ZDHHC5: variants seen among roughly 807,000 people sequenced by gnomAD.
ZDHHC5 encodes zDHHC palmitoyltransferase 5.
ZDHHC5 carries 22 observed loss-of-function variants against 70.0 expected under a neutral mutation model. The ratio of observed to expected loss-of-function variants is 0.31; its 90% CI spans 0.22 to 0.45. The LOEUF (loss-of-function observed/expected upper bound fraction) is 0.45. ZDHHC5 is among the 20% of genes least tolerant of loss of function. The pLI is 1.00. For synonymous variants in ZDHHC5, 313 were observed against 347.8 expected (o/e 0.90, Z 1.11); for missense variants, 746 against 926.9 (o/e 0.80, Z 2.53).
At chr11:57,698,422 T>G in intron 10 of ZDHHC5, 137 bp from the exon 11 acceptor site, 1 of 1,225,360 alleles carries the variant, frequency 8.2e-7, no homozygotes, top group Non-Finnish European at 1.1e-6. Flanking sequence ...TCTTGAGGGA[T>G]TAACCCAGAT....
intron 3 of ZDHHC5, among the ~76,000 whole-genome samples, chr11:57,686,100 A>T (rs1164383141): frequency 6.6e-6 from 1 of 152,136 alleles, no homozygotes; most frequent in Non-Finnish European, 1.5e-5. Context: ...ATGTAGAAGG[A>T]TCAGACATTT....
At chr11:57,685,661 A>G (rs1026184961) in intron 3 of ZDHHC5, among the ~76,000 whole-genome samples, 3 of 152,080 alleles carry the variant, frequency 2.0e-5, no homozygotes, top group Admixed American at 6.6e-5. Context: ...AGAAAAGTAA[A>G]TAAAAAATAA....
Position 57,674,316 on chromosome 11 carries a change from GT to G in ZDHHC5, c.104+1138del, listed in dbSNP as rs34645509. ...GATTTAAACCTTCCCTTTTTCCTCA[GT>G]TTTTTTTTTTTTTTTATTAAGCTCT... On this transcript the variant is annotated intron_variant, in intron 2 of 11. Coordinates refer to ENST00000287169, the MANE Select transcript of ZDHHC5 (RefSeq NM_015457.3). Among the ~76,000 whole-genome samples, 859 of 140,928 alleles carry G rather than the reference GT, an allele frequency of 6.1e-3. 11 individuals are homozygous for G. The highest frequency in any genetic ancestry group is 0.019 in the African/African-American group (731 of 38,200). 92.5% of individuals were successfully genotyped at this position (140,928 alleles called of 152,430 possible).
chr11:57,691,561 A>G (rs1273214033), intron 6 of ZDHHC5, among the ~76,000 whole-genome samples: 1 of 152,196 alleles, frequency 6.6e-6, no homozygotes, highest in African/African-American at 2.4e-5. Flanking sequence ...GTTTGGCATC[A>G]TCACCTGAAA....
chr11:57,697,536 G>A (rs1235470813), intron 10 of ZDHHC5, among the ~76,000 whole-genome samples: 2 of 151,550 alleles, frequency 1.3e-5, no homozygotes, highest in Non-Finnish European at 2.9e-5. Context: ...CCAGCTATTC[G>A]GGAGGCTGAG....
At chr11:57,674,101 A>G (rs1946040861) in intron 2 of ZDHHC5, among the ~76,000 whole-genome samples, 1 of 152,222 alleles carries the variant, frequency 6.6e-6, no homozygotes, top group Admixed American at 6.5e-5. Flanking sequence ...TGTATTTGGG[A>G]AGAGAGTCCT....
intron 6 of ZDHHC5, among the ~76,000 whole-genome samples, chr11:57,691,327 C>T (rs1407740942): frequency 6.6e-6 from 1 of 152,120 alleles, no homozygotes; most frequent in East Asian, 1.9e-4. Context: ...CCACCTCAGC[C>T]TCCCAAAGTG....
At chr11:57,694,325 T>G (rs1011346578) in intron 8 of ZDHHC5, among the ~76,000 whole-genome samples, 2 of 150,682 alleles carry the variant, frequency 1.3e-5, no homozygotes, top group Non-Finnish European at 2.9e-5. Context: ...CTTACTAATT[T>G]GGGTTAAAAT....
chr11:57,675,242 G>GC (rs1946056882), intron 2 of ZDHHC5, among the ~76,000 whole-genome samples: 1 of 152,208 alleles, frequency 6.6e-6, no homozygotes, highest in African/African-American at 2.4e-5. Flanking sequence ...AAAGCCTTTG[G>GC]AGAAGGAAAT....
At chr11:57,681,983 C>A (rs1463723045) in intron 2 of ZDHHC5, among the ~76,000 whole-genome samples, 1 of 152,192 alleles carries the variant, frequency 6.6e-6, no homozygotes, top group Non-Finnish European at 1.5e-5. Flanking sequence ...TAGGTGGTAT[C>A]CCATGCTTTG....
At chr11:57,671,595 T>C (rs1018186628) in intron 1 of ZDHHC5, among the ~76,000 whole-genome samples, 2 of 152,236 alleles carry the variant, frequency 1.3e-5, no homozygotes, top group Non-Finnish European at 2.9e-5. Context: ...GAGACTTGCT[T>C]TCCTAATTTT....
intron 1 of ZDHHC5, among the ~76,000 whole-genome samples, chr11:57,670,223 C>A (rs1384616122): frequency 6.6e-6 from 1 of 152,064 alleles, no homozygotes; most frequent in Non-Finnish European, 1.5e-5. Flanking sequence ...CACCTGTAAT[C>A]CCAGCACTTT....
At chr11:57,673,770 C>T (rs1946036296) in intron 2 of ZDHHC5, among the ~76,000 whole-genome samples, 1 of 152,116 alleles carries the variant, frequency 6.6e-6, no homozygotes, top group Non-Finnish European at 1.5e-5. Flanking sequence ...TGGGGTTTCA[C>T]CATATTGGCC....
Position 57,688,555 on chromosome 11 carries a change from A to C in ZDHHC5, c.274A>C (p.Lys92Gln). The part of the protein sequence containing the change: ...KEDDFRAPLY[K>Q]TVEIKGIQVR... ...AGATGATTTCCGAGCTCCCCTTTAC[A>C]AAACAGTGGAGATAAAGGGCATCCA... Residue 92 changes from lysine to glutamine, a missense_variant, in exon 4 of 12, where the codon AAA becomes CAA. Physicochemically the swap from Lys to Gln is moderately conservative, Grantham distance 53. Transcript: ENST00000287169. The C allele has an allele frequency of 6.2e-7, 1 of 1,606,558 alleles. No homozygotes were observed. Among genetic ancestry groups the C allele is most frequent in the Non-Finnish European group, 8.5e-7 (1 of 1,176,608 alleles).
At chr11:57,686,820 T>G (rs1946213198) in intron 3 of ZDHHC5, among the ~76,000 whole-genome samples, 1 of 138,766 alleles carries the variant, frequency 7.2e-6, no homozygotes, top group Non-Finnish European at 1.6e-5. Flanking sequence ...AGTATATATT[T>G]GTGTGTGTGT....
intron 3 of ZDHHC5, among the ~76,000 whole-genome samples, chr11:57,682,968 T>C (rs1026765278): frequency 1.3e-5 from 2 of 152,166 alleles, no homozygotes; most frequent in Non-Finnish European, 2.9e-5. Context: ...ATACAAACAA[T>C]TGAGAACAAA....
intron 2 of ZDHHC5, 105 bp downstream of exon 2, chr11:57,673,299 C>A: frequency 9.4e-7 from 1 of 1,064,564 alleles, no homozygotes; most frequent in Non-Finnish European, 1.4e-6. Flanking sequence ...ACTGAGAGGG[C>A]TCAGCGTCTG....
At chr11:57,685,193 A>G (rs2135390522) in intron 3 of ZDHHC5, among the ~76,000 whole-genome samples, 1 of 152,274 alleles carries the variant, frequency 6.6e-6, no homozygotes, top group East Asian at 1.9e-4. Context: ...AGCCTACATC[A>G]TTGTGCTTTG....
chr11:57,684,724 G>T (rs1220864739), intron 3 of ZDHHC5, among the ~76,000 whole-genome samples: 2 of 152,196 alleles, frequency 1.3e-5, no homozygotes, highest in East Asian at 3.9e-4. Flanking sequence ...GGACTAAAAG[G>T]TAGAAAGAAA....
Sources: gnomAD v4.1 joint callset for allele counts (sites outside exome capture counted in the v4.1 genomes callset) on GRCh38, gnomAD v4.1.1 for gene constraint, MANE v1.5 for transcripts, NCBI Gene and HGNC (gene_info 2026-07-23, HGNC 2026-07-21) for gene names.